Variants in PLA2G10 observed in about 807,000 individuals in gnomAD.
PLA2G10 encodes the protein group 10 secretory phospholipase A2.
In PLA2G10, 9 loss-of-function variants were observed where a neutral mutation model predicts 7.9. That is an observed-to-expected ratio of 1.14 (90% CI 0.68 to 1.98). The LOEUF (loss-of-function observed/expected upper bound fraction) is 1.98, where lower values mean the gene tolerates loss of function less well. Among genes scored for constraint, PLA2G10 ranks in the 30% most tolerant of loss-of-function variants. The probability of loss-of-function intolerance (pLI) is 0.00; values close to 1 mark genes in which losing one functional copy is unlikely to be tolerated. For synonymous variants in PLA2G10, 19 were observed against 27.5 expected, an observed-to-expected ratio of 0.69 and a Z score of 0.97; for missense variants, 53 against 65.4, an observed-to-expected ratio of 0.81 and a Z score of 0.66.
At chr16:14,683,912 T>A (rs906754059) in intron 3 of PLA2G10, among the ~76,000 whole-genome samples, 7 of 152,024 alleles carry the variant, frequency 4.6e-5, no homozygotes, top group Non-Finnish European at 8.8e-5. Flanking sequence ...GCAAATCACA[T>A]ATCGGGTAAG....
At chr16:14,686,286 C>T (rs958476993) in intron 3 of PLA2G10, among the ~76,000 whole-genome samples, 1 of 151,616 alleles carries the variant, frequency 6.6e-6, no homozygotes, top group Non-Finnish European at 1.5e-5. Context: ...CCTGTTATGT[C>T]TATTTTCAAG....
intron 3 of PLA2G10, among the ~76,000 whole-genome samples, chr16:14,683,353 C>T (rs1262619147): frequency 6.6e-6 from 1 of 151,666 alleles, no homozygotes; most frequent in East Asian, 2.0e-4. Context: ...CTGCCTCAGC[C>T]TCCTGAGTAG....
chr16:14,686,948 A>G (rs1178946538), intron 3 of PLA2G10, among the ~76,000 whole-genome samples: 3 of 152,110 alleles, frequency 2.0e-5, no homozygotes, highest in African/African-American at 7.2e-5. Context: ...TCTACTAAAA[A>G]TACAAAAATA....
chr16:14,686,432 T>A (rs1346352012), intron 3 of PLA2G10, among the ~76,000 whole-genome samples: 1 of 152,204 alleles, frequency 6.6e-6, no homozygotes, highest in East Asian at 1.9e-4. Flanking sequence ...TCCTAGTTGT[T>A]TTCATTGTTT....
intron 3 of PLA2G10, chr16:14,678,694 C>T (rs117954937): frequency 0.04 from 15,868 of 392,990 alleles, 417 homozygotes; most frequent in Non-Finnish European, 0.049. Flanking sequence ...CGCTTGAGCC[C>T]AAAAGGCAGA....
chr16:14,683,272 G>T (rs1290929931), intron 3 of PLA2G10, among the ~76,000 whole-genome samples: 31 of 118,874 alleles, frequency 2.6e-4, no homozygotes, highest in African/African-American at 6.1e-4. Context: ...TTGCTCTGTT[G>T]CCCAGGCTGA....
intron 3 of PLA2G10, among the ~76,000 whole-genome samples, chr16:14,681,830 T>C (rs1035989295): frequency 2.6e-5 from 4 of 151,464 alleles, no homozygotes; most frequent in African/African-American, 9.7e-5. Context: ...ATTTTATAAA[T>C]ATCATTTTCA....
intron 3 of PLA2G10, among the ~76,000 whole-genome samples, chr16:14,674,557 C>G (rs143330399): frequency 6.6e-6 from 1 of 151,980 alleles, no homozygotes; most frequent in African/African-American, 2.4e-5. Context: ...AAAAATTAGC[C>G]AGGCATGATG....
At chr16:14,683,024 G>A (rs944071135) in intron 3 of PLA2G10, among the ~76,000 whole-genome samples, 7 of 151,772 alleles carry the variant, frequency 4.6e-5, no homozygotes, top group East Asian at 3.9e-4. Flanking sequence ...GGCAGAGATC[G>A]TGCCACTGCA....
At chr16:14,686,701 T>C (rs933820931) in intron 3 of PLA2G10, among the ~76,000 whole-genome samples, 1 of 152,044 alleles carries the variant, frequency 6.6e-6, no homozygotes, top group African/African-American at 2.4e-5. Context: ...GGTTTCACCA[T>C]TGAGGCTGCT....
intron 3 of PLA2G10, among the ~76,000 whole-genome samples, chr16:14,683,731 CTT>C (rs1960962995): frequency 6.6e-6 from 1 of 152,094 alleles, no homozygotes; most frequent in Non-Finnish European, 1.5e-5. Context: ...TAGAAGAAAA[CTT>C]AACGGTAAAT....
intron 3 of PLA2G10, among the ~76,000 whole-genome samples, chr16:14,679,229 A>G (rs903810993): frequency 1.3e-5 from 2 of 152,130 alleles, no homozygotes; most frequent in Admixed American, 6.6e-5. Flanking sequence ...CCTATCTAGT[A>G]CTAAAACACT....
chr16:14,685,550 C>T (rs188961393), intron 3 of PLA2G10, among the ~76,000 whole-genome samples: 38 of 151,910 alleles, frequency 2.5e-4, no homozygotes, highest in African/African-American at 4.8e-4. Flanking sequence ...GGAATGGGAA[C>T]GGATTGCTTA....
chr16:14,681,340 G>A (rs182513784), intron 3 of PLA2G10, among the ~76,000 whole-genome samples: 4 of 152,100 alleles, frequency 2.6e-5, no homozygotes, highest in African/African-American at 4.8e-5. Context: ...ACAGGAATTC[G>A]GTAACTCATC....
intron 3 of PLA2G10, among the ~76,000 whole-genome samples, chr16:14,681,394 AG>A (rs1960888405): frequency 6.6e-6 from 1 of 152,030 alleles, no homozygotes; most frequent in Non-Finnish European, 1.5e-5. Flanking sequence ...ATTCCAGCCC[AG>A]GGTCTCCTGA....
intron 3 of PLA2G10, among the ~76,000 whole-genome samples, chr16:14,679,388 C>T (rs551069613): frequency 1.3e-5 from 2 of 151,876 alleles, no homozygotes; most frequent in Non-Finnish European, 2.9e-5. Flanking sequence ...ACAGGCCGGG[C>T]GTGGTGCTCG....
intron 3 of PLA2G10, among the ~76,000 whole-genome samples, chr16:14,686,673 T>A (rs1329508333): frequency 6.6e-6 from 1 of 152,108 alleles, no homozygotes; most frequent in South Asian, 2.1e-4. Context: ...GGTAATTTTG[T>A]ATTTTTAGTA....
chr16:14,676,889 T>C (rs1960739186), intron 3 of PLA2G10, among the ~76,000 whole-genome samples: 1 of 152,150 alleles, frequency 6.6e-6, no homozygotes, highest in Admixed American at 6.6e-5. Context: ...AAATACTGTA[T>C]GTTCTCACTT....
chr16:14,687,216 A>C (rs1341278017), intron 3 of PLA2G10, among the ~76,000 whole-genome samples: 1 of 151,978 alleles, frequency 6.6e-6, no homozygotes, highest in African/African-American at 2.4e-5. Context: ...TAAATACTAC[A>C]GTCCTTATGT....
Sources: allele counts gnomAD v4.1 joint callset (sites outside exome capture counted in the v4.1 genomes callset), GRCh38; gene constraint gnomAD v4.1.1; transcripts MANE v1.5; gene names NCBI Gene and HGNC (gene_info 2026-07-23, HGNC 2026-07-21).